Variants in CDH9 observed in about 807,000 individuals in gnomAD.
CDH9 encodes cadherin 9, also known as cadherin-9.
CDH9 carries 28 observed loss-of-function variants against 70.9 expected under a neutral mutation model. That is an observed-to-expected ratio of 0.40 (90% CI 0.29 to 0.54). The LOEUF (loss-of-function observed/expected upper bound fraction) is 0.54, where lower values mean the gene tolerates loss of function less well. Ranked by LOEUF, CDH9 falls within the 20% of genes least tolerant of loss-of-function variation. The probability of loss-of-function intolerance (pLI) is 0.59; values close to 1 mark genes in which losing one functional copy is unlikely to be tolerated. For synonymous variants in CDH9, 409 were observed against 343.1 expected, an observed-to-expected ratio of 1.19 and a Z score of -2.12; for missense variants, 874 against 984.4, an observed-to-expected ratio of 0.89 and a Z score of 1.50.
At chr5:27,034,616 A>G (rs1039497928) in intron 1 of CDH9, among the ~76,000 whole-genome samples, 4 of 151,512 alleles carry the variant, frequency 2.6e-5, no homozygotes, top group East Asian at 2.0e-4. Flanking sequence ...GCATCTGACC[A>G]CAACACCCCA....
intron 1 of CDH9, among the ~76,000 whole-genome samples, chr5:27,014,718 T>A (rs1425132396): frequency 6.6e-6 from 1 of 151,828 alleles, no homozygotes; most frequent in East Asian, 1.9e-4. Flanking sequence ...TTGCAGAGGG[T>A]TGAACTATGT....
At chr5:27,026,732 T>C (rs1168563753) in intron 1 of CDH9, among the ~76,000 whole-genome samples, 1 of 151,948 alleles carries the variant, frequency 6.6e-6, no homozygotes, top group Non-Finnish European at 1.5e-5. Context: ...TTAAATATTT[T>C]GTATATTTTA....
At chr5:26,943,119 G>A (rs892564766) in intron 2 of CDH9, among the ~76,000 whole-genome samples, 2 of 152,116 alleles carry the variant, frequency 1.3e-5, no homozygotes, top group Admixed American at 1.3e-4. Flanking sequence ...AGAAAACTAA[G>A]TGAAACAAAC....
intron 2 of CDH9, among the ~76,000 whole-genome samples, chr5:26,933,776 C>CAAAATAAAATAAAAT (rs35458909): frequency 2.7e-5 from 4 of 147,208 alleles, no homozygotes; most frequent in African/African-American, 7.6e-5. Flanking sequence ...AAGACTCCGT[C>CAAAATAAAATAAAAT]AAAATAAAAT....
chr5:26,933,050 A>AATATAAATATAATTCTATTTATATT, intron 2 of CDH9, among the ~76,000 whole-genome samples: 1 of 147,336 alleles, frequency 6.8e-6, no homozygotes, highest in Non-Finnish European at 1.5e-5. Context: ...ATTTTACTTA[A>AATATAAATATAATTCTATTTATATT]ATATAAATAT....
chr5:27,033,971 C>T (rs1743350553), intron 1 of CDH9, among the ~76,000 whole-genome samples: 1 of 151,558 alleles, frequency 6.6e-6, no homozygotes, highest in African/African-American at 2.4e-5. Flanking sequence ...TGTTATACAG[C>T]TTCCGGTGTA....
chr5:26,894,182 C>T (rs1740708019), intron 7 of CDH9, among the ~76,000 whole-genome samples: 1 of 152,042 alleles, frequency 6.6e-6, no homozygotes, highest in African/African-American at 2.4e-5. Context: ...AATAGTTAAC[C>T]ATTACCTGCT....
intron 2 of CDH9, among the ~76,000 whole-genome samples, chr5:26,918,361 A>G (rs1323721046): frequency 6.6e-6 from 1 of 152,178 alleles, no homozygotes; most frequent in Non-Finnish European, 1.5e-5. Flanking sequence ...TACATAGCAC[A>G]CTTCATTCCC....
At chr5:26,951,154 A>G (rs1741836637) in intron 2 of CDH9, among the ~76,000 whole-genome samples, 1 of 151,838 alleles carries the variant, frequency 6.6e-6, no homozygotes, top group Non-Finnish European at 1.5e-5. Flanking sequence ...TTAGCCAGGC[A>G]TGGTGGCATG....
chr5:26,890,380 C>G, intron 8 of CDH9, 48 bp downstream of exon 8: 1 of 1,545,106 alleles, frequency 6.5e-7, no homozygotes, highest in Non-Finnish European at 8.9e-7. Context: ...ATTATTTTAC[C>G]ACTTTGATGA....
At chr5:26,923,070 A>T (rs1400548220) in intron 2 of CDH9, among the ~76,000 whole-genome samples, 2 of 46,614 alleles carry the variant, frequency 4.3e-5, no homozygotes, top group African/African-American at 1.6e-4. Flanking sequence ...TACATGAATT[A>T]AAAAAAAAAA....
chr5:26,889,552 A>C (rs35368598), intron 9 of CDH9, among the ~76,000 whole-genome samples: 18,182 of 152,120 alleles, frequency 0.12, 1,682 homozygotes, highest in East Asian at 0.46. Flanking sequence ...ATAATTATGA[A>C]TGCAGGTAAC....
intron 3 of CDH9, among the ~76,000 whole-genome samples, chr5:26,911,132 A>C (rs1741046218): frequency 6.6e-6 from 1 of 152,182 alleles, no homozygotes; most frequent in African/African-American, 2.4e-5. Context: ...CCTAAGAACT[A>C]ACTTTCACAG....
At chr5:26,975,221 C>A (rs1471654710) in intron 2 of CDH9, among the ~76,000 whole-genome samples, 1 of 152,010 alleles carries the variant, frequency 6.6e-6, no homozygotes, top group African/African-American at 2.4e-5. Context: ...AATAGACTTG[C>A]GAGATCTAGA....
intron 2 of CDH9, among the ~76,000 whole-genome samples, chr5:26,930,404 T>C (rs1442531522): frequency 6.6e-6 from 1 of 152,134 alleles, no homozygotes; most frequent in Non-Finnish European, 1.5e-5. Context: ...CATACTCTAG[T>C]CATGCAGTTG....
At chr5:26,951,944 A>ACTTT (rs1741852284) in intron 2 of CDH9, among the ~76,000 whole-genome samples, 2 of 147,906 alleles carry the variant, frequency 1.4e-5, no homozygotes, top group Admixed American at 1.4e-4. Flanking sequence ...CTCATGTTAA[A>ACTTT]ATTTATTTTA....
chr5:27,016,778 GA>G (rs1284509885), intron 1 of CDH9, among the ~76,000 whole-genome samples: 1 of 151,726 alleles, frequency 6.6e-6, no homozygotes, highest in Non-Finnish European at 1.5e-5. Context: ...GAGATTGAGA[GA>G]AAAAATAAAG....
intron 2 of CDH9, among the ~76,000 whole-genome samples, chr5:26,951,067 G>C (rs1741835485): frequency 6.6e-6 from 1 of 152,010 alleles, no homozygotes; most frequent in Non-Finnish European, 1.5e-5. Context: ...GTCAAGGCGG[G>C]CAGATCATGA....
chr5:26,890,836 T>A (rs977493505), intron 7 of CDH9: 1 of 328,420 alleles, frequency 3.0e-6, no homozygotes, highest in Admixed American at 4.4e-5. Context: ...AGTTCTTAAG[T>A]ATCACTTGGT....
Sources: allele counts gnomAD v4.1 joint callset (sites outside exome capture counted in the v4.1 genomes callset), GRCh38; gene constraint gnomAD v4.1.1; transcripts MANE v1.5; gene names NCBI Gene and HGNC (gene_info 2026-07-23, HGNC 2026-07-21).